ADARB2: variants seen among roughly 807,000 people sequenced by gnomAD.
ADARB2 encodes inactive double-stranded RNA-specific editase B2.
Under a neutral mutation model 62.2 loss-of-function variants are expected in ADARB2, and 25 were observed. That is an observed-to-expected ratio of 0.40 (90% CI 0.29 to 0.56). The LOEUF is 0.56. ADARB2 is among the 20% of genes least tolerant of loss of function. ADARB2 has a pLI of 0.43. For synonymous variants in ADARB2, 572 were observed against 500.8 expected, an observed-to-expected ratio of 1.14 and a Z score of -1.90; for missense variants, 1,071 against 1,077.4, an observed-to-expected ratio of 0.99 and a Z score of 0.08.
intron 1 of ADARB2, among the ~76,000 whole-genome samples, chr10:1,732,461 T>G (rs1034361864): frequency 6.6e-6 from 1 of 152,188 alleles, no homozygotes; most frequent in Non-Finnish European, 1.5e-5. Context: ...GCACGTCATA[T>G]CTAATGCCCT....
At chr10:1,191,350 C>T (rs558384802) in intron 8 of ADARB2, among the ~76,000 whole-genome samples, 1 of 152,310 alleles carries the variant, frequency 6.6e-6, no homozygotes, top group Non-Finnish European at 1.5e-5. Flanking sequence ...GCACGTGCAC[C>T]TGCTGAGTGA....
chr10:1,369,847 TCTCAGGAAG>T (rs1832352029), intron 2 of ADARB2, among the ~76,000 whole-genome samples: 1 of 152,148 alleles, frequency 6.6e-6, no homozygotes. Flanking sequence ...CCCTGTCTTC[TCTCAGGAAG>T]CTGTCTCCAA....
chr10:1,293,235 AGAGAGGGACGGGGG>A (rs1309621770), intron 3 of ADARB2, among the ~76,000 whole-genome samples: 3 of 112,320 alleles, frequency 2.7e-5, no homozygotes, highest in African/African-American at 1.0e-4. Flanking sequence ...ACGGGGAGGG[AGAGAGGGACGGGGG>A]GAGAGGGACA....
At chr10:1,707,054 T>C (rs892031199) in intron 1 of ADARB2, among the ~76,000 whole-genome samples, 2 of 152,230 alleles carry the variant, frequency 1.3e-5, no homozygotes, top group African/African-American at 4.8e-5. Flanking sequence ...AGAAAAAGTT[T>C]AGGATTTTTA....
At chr10:1,544,466 G>A (rs1275464316) in intron 1 of ADARB2, among the ~76,000 whole-genome samples, 4 of 152,208 alleles carry the variant, frequency 2.6e-5, no homozygotes, top group Non-Finnish European at 5.9e-5. Flanking sequence ...TGGACTAGCT[G>A]CTTGCCTGAG....
chr10:1,271,858 G>A (rs1043950010), intron 3 of ADARB2, among the ~76,000 whole-genome samples: 4 of 152,202 alleles, frequency 2.6e-5, no homozygotes, highest in Non-Finnish European at 5.9e-5. Context: ...TGGCATAGCC[G>A]TTGCAGGCCT....
chr10:1,321,881 C>T (rs1384599416), intron 3 of ADARB2, among the ~76,000 whole-genome samples: 2 of 151,278 alleles, frequency 1.3e-5, no homozygotes, highest in East Asian at 2.0e-4. Context: ...TGTCCCACAG[C>T]TGATTGGGAA....
At chr10:1,563,229 C>A (rs1210711433) in intron 1 of ADARB2, among the ~76,000 whole-genome samples, 1 of 152,040 alleles carries the variant, frequency 6.6e-6, no homozygotes, top group East Asian at 1.9e-4. Flanking sequence ...CTGCGACTCC[C>A]CAGGTGACCT....
At chr10:1,456,557 G>C (rs1397767144) in intron 1 of ADARB2, among the ~76,000 whole-genome samples, 2 of 152,100 alleles carry the variant, frequency 1.3e-5, no homozygotes, top group Non-Finnish European at 2.9e-5. Context: ...TCTCCAGGGG[G>C]TCTCGTGAAC....
intron 1 of ADARB2, among the ~76,000 whole-genome samples, chr10:1,384,773 G>A (rs1298935523): frequency 6.6e-6 from 1 of 152,166 alleles, no homozygotes; most frequent in East Asian, 1.9e-4. Flanking sequence ...GAATTTGAGG[G>A]CAGAAGGAAG....
intron 1 of ADARB2, among the ~76,000 whole-genome samples, chr10:1,567,240 T>C (rs973975006): frequency 1.3e-5 from 2 of 151,922 alleles, no homozygotes; most frequent in African/African-American, 2.4e-5. Flanking sequence ...GATTGGAGTC[T>C]GGTCTTTTGA....
At chr10:1,562,351 G>T (rs1435961374) in intron 1 of ADARB2, among the ~76,000 whole-genome samples, 1 of 152,164 alleles carries the variant, frequency 6.6e-6, no homozygotes, top group Non-Finnish European at 1.5e-5. Context: ...GTCAAAAGTC[G>T]CAGGACAAAG....
intron 1 of ADARB2, among the ~76,000 whole-genome samples, chr10:1,510,120 C>CTTTA (rs1264520662): frequency 3.5e-5 from 4 of 113,222 alleles, no homozygotes; most frequent in Non-Finnish European, 5.4e-5. Flanking sequence ...CTCTTTCTTT[C>CTTTA]TTTCTTTCTT....
chr10:1,631,243 A>G (rs916221242), intron 1 of ADARB2, among the ~76,000 whole-genome samples: 6 of 151,752 alleles, frequency 4.0e-5, no homozygotes, highest in African/African-American at 1.5e-4. Context: ...TTCCTTCTTT[A>G]CTTTCTTCCT....
intron 1 of ADARB2, among the ~76,000 whole-genome samples, chr10:1,582,297 C>T (rs573299628): frequency 1.6e-4 from 25 of 152,240 alleles, no homozygotes; most frequent in African/African-American, 5.8e-4. Flanking sequence ...GGGAGGGCCT[C>T]GCTGCCTCCC....
chr10:1,720,718 T>A (rs1381807728), intron 1 of ADARB2, among the ~76,000 whole-genome samples: 1 of 152,172 alleles, frequency 6.6e-6, no homozygotes, highest in East Asian at 1.9e-4. Context: ...TGCGGGGGCC[T>A]CTGGGCCCCT....
intron 3 of ADARB2, among the ~76,000 whole-genome samples, chr10:1,275,102 C>A (rs927236725): frequency 1.3e-5 from 2 of 152,204 alleles, no homozygotes; most frequent in Admixed American, 1.3e-4. Flanking sequence ...CTTGTGGGGT[C>A]ATTTGAGGAA....
At chr10:1,675,073 T>C (rs1362908786) in intron 1 of ADARB2, 3 of 983,952 alleles carry the variant, frequency 3.0e-6, no homozygotes, top group East Asian at 2.3e-4. Flanking sequence ...GTTCTGGAGG[T>C]TTGGGTTAAG....
chr10:1,723,432 G>A (rs1364946622), intron 1 of ADARB2, among the ~76,000 whole-genome samples: 2 of 152,150 alleles, frequency 1.3e-5, no homozygotes, highest in Non-Finnish European at 2.9e-5. Context: ...TCTGATTCAG[G>A]CTTGCTCTCA....
Sources: allele counts gnomAD v4.1 joint callset (sites outside exome capture counted in the v4.1 genomes callset), GRCh38; gene constraint gnomAD v4.1.1; transcripts MANE v1.5; gene names NCBI Gene and HGNC (gene_info 2026-07-23, HGNC 2026-07-21).